The following CFDP1 variants were observed in gnomAD, a reference collection of about 807,000 sequenced individuals.
CFDP1 encodes chromatin remodeling protein CFDP1.
A neutral mutation model predicts 40.1 loss-of-function variants in CFDP1; 31 were observed. The ratio of observed to expected loss-of-function variants is 0.77; its 90% CI spans 0.58 to 1.04. The LOEUF (loss-of-function observed/expected upper bound fraction) is 1.04, where lower values mean the gene tolerates loss of function less well. Ranked by LOEUF, CFDP1 falls within the 50% of genes least tolerant of loss-of-function variation. CFDP1 has a pLI of 0.00. For missense variants in CFDP1, 423 were observed against 343.4 expected (o/e 1.23, Z -1.83); for synonymous variants, 167 against 120.0 (o/e 1.39, Z -2.56).
intron 1 of CFDP1, among the ~76,000 whole-genome samples, chr16:75,415,270 T>C (rs1450840808): frequency 6.6e-6 from 1 of 152,206 alleles, no homozygotes; most frequent in Non-Finnish European, 1.5e-5. Flanking sequence ...AGAGTGTTGC[T>C]TGGATGTCTG....
Position 75,389,114 on chromosome 16 carries a change from G to A in CFDP1, c.650+5976C>T, listed in dbSNP as rs12597125. ...ACAAATTTTAATGACACTAATGGTG[G>A]CCCGCTGTTGGAATAAATAGTAAAT... On this transcript the variant is annotated intron_variant, in intron 5 of 6. Transcript: ENST00000283882. 6.8e-3 allele frequency among the ~76,000 whole-genome samples: 1,028 copies of A among 152,270 alleles called. 15 individuals carry two copies. The highest frequency in any genetic ancestry group is 0.04 in the East Asian group (206 of 5,176).
At chr16:75,309,707 T>TTACTTGGGA (rs2078281350) in intron 5 of CFDP1, among the ~76,000 whole-genome samples, 1 of 149,084 alleles carries the variant, frequency 6.7e-6, no homozygotes, top group African/African-American at 2.5e-5. Flanking sequence ...GTAGTCCCAG[T>TTACTTGGGA]TACTTGGGAG....
At chr16:75,336,170 C>A (rs2078486514) in intron 5 of CFDP1, among the ~76,000 whole-genome samples, 1 of 152,212 alleles carries the variant, frequency 6.6e-6, no homozygotes, top group South Asian at 2.1e-4. Context: ...TGAGCACTTT[C>A]TCTCAGCCAG....
At chr16:75,377,731 T>G (rs1469358886) in intron 5 of CFDP1, among the ~76,000 whole-genome samples, 1 of 152,210 alleles carries the variant, frequency 6.6e-6, no homozygotes. Context: ...GCTTCTCCAC[T>G]TCTCGAGGTT....
intron 3 of CFDP1, 131 bp from the exon 4 acceptor site, chr16:75,412,083 T>A (rs2079168422): frequency 1.1e-6 from 1 of 930,832 alleles, no homozygotes; most frequent in Admixed American, 3.4e-5. Context: ...TAACACAATC[T>A]TGGCTCACTG....
intron 5 of CFDP1, among the ~76,000 whole-genome samples, chr16:75,365,329 C>T (rs1008651308): frequency 6.6e-6 from 1 of 152,184 alleles, no homozygotes; most frequent in African/African-American, 2.4e-5. Context: ...CTGGCCAATA[C>T]ATAGAAAACT....
chr16:75,374,210 G>A (rs890836838), intron 5 of CFDP1, among the ~76,000 whole-genome samples: 14 of 151,870 alleles, frequency 9.2e-5, no homozygotes, highest in African/African-American at 2.9e-4. Flanking sequence ...CCGAGATCGC[G>A]CCACTGCACT....
intron 5 of CFDP1, among the ~76,000 whole-genome samples, chr16:75,314,334 T>C (rs1158963736): frequency 6.6e-6 from 1 of 152,148 alleles, no homozygotes; most frequent in Admixed American, 6.5e-5. Flanking sequence ...GGATGGACCG[T>C]GAAAACATTA....
intron 5 of CFDP1, among the ~76,000 whole-genome samples, chr16:75,338,239 G>A (rs977334359): frequency 2.6e-5 from 4 of 151,950 alleles, no homozygotes; most frequent in Admixed American, 6.6e-5. Flanking sequence ...TGTGAAGCAT[G>A]GGGGGGAAAA....
At chr16:75,317,446 A>C (rs1033607554) in intron 5 of CFDP1, among the ~76,000 whole-genome samples, 29 of 152,232 alleles carry the variant, frequency 1.9e-4, no homozygotes, top group Non-Finnish European at 3.1e-4. Context: ...GTGTGGGAGT[A>C]AAGAAGGCCA....
At chr16:75,398,826 G>A (rs1050580361) in intron 4 of CFDP1, among the ~76,000 whole-genome samples, 9 of 151,890 alleles carry the variant, frequency 5.9e-5, no homozygotes, top group African/African-American at 2.2e-4. Context: ...AGGCTGAGGC[G>A]GGCAGATCAC....
chr16:75,377,519 G>T (rs1242992517), intron 5 of CFDP1, among the ~76,000 whole-genome samples: 1 of 152,128 alleles, frequency 6.6e-6, no homozygotes, highest in Admixed American at 6.5e-5. Context: ...CATATAACAA[G>T]CTTTCCAGCT....
chr16:75,329,565 T>A (rs1426817244), intron 5 of CFDP1, among the ~76,000 whole-genome samples: 1 of 152,148 alleles, frequency 6.6e-6, no homozygotes, highest in East Asian at 1.9e-4. Context: ...TGATCATAAC[T>A]CATGGCAGCC....
At chr16:75,432,591 G>C (rs1206860278) in intron 1 of CFDP1, among the ~76,000 whole-genome samples, 2 of 151,984 alleles carry the variant, frequency 1.3e-5, no homozygotes, top group African/African-American at 4.8e-5. Context: ...AGAGAATAGG[G>C]ACGACTCCTG....
chr16:75,361,312 A>G (rs2078677836), intron 5 of CFDP1, among the ~76,000 whole-genome samples: 1 of 152,162 alleles, frequency 6.6e-6, no homozygotes, highest in Admixed American at 6.6e-5. Context: ...CACCCAGGCA[A>G]GTCAGATATT....
intron 5 of CFDP1, among the ~76,000 whole-genome samples, chr16:75,393,134 C>T (rs1461232576): frequency 1.3e-5 from 2 of 152,116 alleles, no homozygotes; most frequent in East Asian, 1.9e-4. Context: ...AGCCAATGTC[C>T]GATGGGCACT....
chr16:75,382,708 G>A (rs1432468059), intron 5 of CFDP1, among the ~76,000 whole-genome samples: 4 of 152,218 alleles, frequency 2.6e-5, no homozygotes, highest in Non-Finnish European at 5.9e-5. Context: ...TTGCTTTGAA[G>A]CAAGTAACGC....
chr16:75,423,672 G>T (rs1318461063), intron 1 of CFDP1, among the ~76,000 whole-genome samples: 2 of 151,912 alleles, frequency 1.3e-5, no homozygotes. Context: ...CCGCCACCTC[G>T]CCCGGCTAAT....
intron 4 of CFDP1, among the ~76,000 whole-genome samples, chr16:75,397,894 T>TA (rs1169746839): frequency 6.6e-6 from 1 of 152,236 alleles, no homozygotes; most frequent in Non-Finnish European, 1.5e-5. Context: ...CACGACTTGC[T>TA]ACAAAGGCCA....
Sources: allele counts gnomAD v4.1 joint callset (sites outside exome capture counted in the v4.1 genomes callset), GRCh38; gene constraint gnomAD v4.1.1; transcripts MANE v1.5; gene names NCBI Gene and HGNC (gene_info 2026-07-23, HGNC 2026-07-21).